The following DNAH10 variants were observed in gnomAD, a reference collection of about 807,000 sequenced individuals.
DNAH10 encodes the protein dynein axonemal heavy chain 10.
Under a neutral mutation model 506.6 loss-of-function variants are expected in DNAH10, and 348 were observed. The ratio of observed to expected loss-of-function variants is 0.69; its 90% CI spans 0.63 to 0.75. The LOEUF is 0.75. DNAH10 is among the 30% of genes least tolerant of loss of function. The pLI is 0.00. For synonymous variants in DNAH10, 2,059 were observed against 2,198.6 expected (o/e 0.94, Z 1.78); for missense variants, 5,179 against 5,787.1 (o/e 0.89, Z 3.41).
At chr12:123,822,276 C>T (rs1250456953) in intron 24 of DNAH10, among the ~76,000 whole-genome samples, 1 of 152,152 alleles carries the variant, frequency 6.6e-6, no homozygotes, top group Non-Finnish European at 1.5e-5. Context: ...GTTTCCCATG[C>T]AAATTCATGC....
At chr12:123,857,601 G>A (rs1052375622) in intron 37 of DNAH10, among the ~76,000 whole-genome samples, 10 of 152,190 alleles carry the variant, frequency 6.6e-5, no homozygotes, top group Non-Finnish European at 1.0e-4. Flanking sequence ...GGTGGCGCTC[G>A]CCTGTAGTCT....
intron 66 of DNAH10, 29 bp from the exon 67 acceptor site, chr12:123,924,249 G>T: frequency 6.3e-7 from 1 of 1,583,974 alleles, no homozygotes; most frequent in South Asian, 1.1e-5. Flanking sequence ...TGGTACAATG[G>T]CTGCTTGCTT....
chr12:123,849,193 G>A (rs182820187), intron 34 of DNAH10, among the ~76,000 whole-genome samples: 75 of 152,274 alleles, frequency 4.9e-4, no homozygotes, highest in Non-Finnish European at 8.4e-4. Context: ...TATTCTTGGC[G>A]ACTTCCCAAG....
intron 50 of DNAH10, among the ~76,000 whole-genome samples, chr12:123,880,739 GTA>G: frequency 6.6e-6 from 1 of 151,282 alleles, no homozygotes; most frequent in Non-Finnish European, 1.5e-5. Context: ...CCATGTTGGT[GTA>G]GTGCACCCAT....
At chr12:123,896,671 C>A (rs1953260806) in intron 54 of DNAH10, among the ~76,000 whole-genome samples, 1 of 149,602 alleles carries the variant, frequency 6.7e-6, no homozygotes, top group Non-Finnish European at 1.5e-5. Flanking sequence ...GACAGGGCTT[C>A]CTAACAGTAG....
At chr12:123,862,598 C>A (rs961278603) in intron 39 of DNAH10, among the ~76,000 whole-genome samples, 57 of 151,942 alleles carry the variant, frequency 3.8e-4, no homozygotes, top group African/African-American at 1.3e-3. Flanking sequence ...CCTGTACTGC[C>A]CAGGCTTGTC....
In DNAH10 at chr12:123,884,833, C is replaced by CT. The variant is rs1211120819; in HGVS notation, c.8824-2308dup. Among the ~76,000 whole-genome samples the CT allele has an allele frequency of 1.1e-4, 16 of 152,274 alleles. No homozygotes were observed. The South Asian group carries it at 2.7e-3, about 26-fold the overall frequency. ...AACAATTCAAATGATGCAGAAGCGT[C>CT]TAAAAAAATAAGGATCACTTGTAAT... On this transcript the variant is annotated intron_variant, in intron 51 of 78. Coordinates refer to ENST00000673944, the MANE Select transcript of DNAH10 (RefSeq NM_001372106.1).
In DNAH10 at chr12:123,784,180, A is replaced by G. The variant is rs1957767649; in HGVS notation, c.1230+3A>G. 2.5e-6 allele frequency: 4 copies of G among 1,612,832 alleles called. No homozygotes were observed. Among genetic ancestry groups the G allele is most frequent in the Non-Finnish European group, 3.4e-6 (4 of 1,178,786 alleles). ...CCACCGTGGAGCGTTATTTCAAGGT[A>G]TGCTGGGTGTGCTGCACTTTGCAGT... is the stretch of plus-strand genomic sequence containing the variant. On this transcript the variant is annotated splice_donor_region_variant and intron_variant, in intron 8 of 78. Coordinates refer to ENST00000673944, the MANE Select transcript of DNAH10 (RefSeq NM_001372106.1).
intron 21 of DNAH10, among the ~76,000 whole-genome samples, chr12:123,818,571 G>C (rs913647806): frequency 6.6e-6 from 1 of 152,124 alleles, no homozygotes; most frequent in Admixed American, 6.5e-5. Context: ...TGACCCACCC[G>C]CCTCAGCCTC....
At chr12:123,872,207 A>G (rs962258128) in intron 45 of DNAH10, among the ~76,000 whole-genome samples, 6 of 152,094 alleles carry the variant, frequency 3.9e-5, no homozygotes, top group African/African-American at 9.7e-5. Flanking sequence ...TATGTGTCCA[A>G]TGTGTCGGGG....
chr12:123,805,929 A>G (rs1958657588), intron 18 of DNAH10, among the ~76,000 whole-genome samples: 2 of 151,516 alleles, frequency 1.3e-5, no homozygotes, highest in Admixed American at 1.3e-4. Flanking sequence ...GGCGCCCACC[A>G]CTACGCCTGG....
Position 123,928,939 on chromosome 12 carries a change from T to G in DNAH10, c.12307-336T>G. ...GGTTTACATGCCCCATTTAATTTAT[T>G]CTCCGGGAAATTCTTTTGGAAAGGT... On this transcript the variant is annotated intron_variant, in intron 70 of 78. Transcript: ENST00000673944. The surrounding 1 kb of genome is among the most constrained non-coding windows in gnomAD (Gnocchi z 4.9). 1 of 474,654 alleles carries G rather than the reference T, an allele frequency of 2.1e-6. No individual in the cohort carries two copies. The highest frequency in any genetic ancestry group is 3.7e-6 in the Non-Finnish European group (1 of 268,042). The allele number at this position is 474,654 out of a possible 1,614,324, so 29.4% of individuals were successfully genotyped here. A position where few individuals can be genotyped will look rare whatever the true frequency, so the allele number is the denominator to read the frequency against.
In DNAH10 at chr12:123,830,701, TA is replaced by T; in HGVS notation, c.4545+4del. On this transcript the variant is annotated splice_donor_region_variant and intron_variant, in intron 26 of 78. Coordinates refer to ENST00000673944, the MANE Select transcript of DNAH10 (RefSeq NM_001372106.1). ...ATCAAGGAGGTTGCCATTGAGAAGG[TA>T]AGACTTCAGTTAAAAACAGGCTGGA... 4 of 1,604,414 alleles carry T rather than the reference TA, an allele frequency of 2.5e-6. No individual in the cohort carries two copies. The highest frequency in any genetic ancestry group is 3.4e-6 in the Non-Finnish European group (4 of 1,175,980).
In DNAH10 at chr12:123,805,060, T is replaced by C. The variant is rs756184385; in HGVS notation, c.2987+20T>C. On this transcript the variant is annotated intron_variant, in intron 18 of 78. Transcript: ENST00000673944. ...CCTGAAGTAAGTTCATCTTGTTGCATGCTTTAAAATGGTGTGTGTAGATTA... is the reference window on the plus strand; with the variant it reads ...CCTGAAGTAAGTTCATCTTGTTGCACGCTTTAAAATGGTGTGTGTAGATTA... 3.1e-6 allele frequency: 5 copies of C among 1,612,036 alleles called. No homozygotes were observed. In the Admixed American group the frequency reaches 6.7e-5, roughly 22 times the overall value.
In DNAH10 at chr12:123,913,310, C is replaced by T; in HGVS notation, c.10347C>T (p.Asn3449=). The change falls in exon 60 of 79, where the codon AAC becomes AAT. Residue 3449 remains asparagine, a synonymous_variant. Transcript: ENST00000673944. This position sits in a 1 kb window ranked among gnomAD's most constrained non-coding sequence, Gnocchi z 5.1. ...TCATCTCGGGTCTGGGGTCAGAAAA[C>T]ATCAGGTTAGCGCTGCTCACGAGCC... ...DKLISGLGSE[N]IRWLNDLDEL... The T allele has an allele frequency of 6.3e-7, 1 of 1,595,954 alleles. No homozygotes were observed. The highest frequency in any genetic ancestry group is 1.3e-5 in the African/African-American group (1 of 74,636).
At chr12:123,807,643 G>A (rs1014421095) in intron 18 of DNAH10, among the ~76,000 whole-genome samples, 1 of 151,878 alleles carries the variant, frequency 6.6e-6, no homozygotes, top group Non-Finnish European at 1.5e-5. Context: ...GGTGGATCAG[G>A]TCACAGGGAG....
Position 123,813,150 on chromosome 12 carries a change from T to A in DNAH10, c.3145-14T>A. On this transcript the variant is annotated splice_polypyrimidine_tract_variant and intron_variant, in intron 19 of 78. Transcript: ENST00000673944. ...CTAAAATACTGTCTTTTCTCCTAAT[T>A]CTTACTTTGCCAGCATTTTGTTCGT... The A allele has an allele frequency of 6.3e-7, 1 of 1,587,840 alleles. No homozygotes were observed. The highest frequency in any genetic ancestry group is 8.6e-7 in the Non-Finnish European group (1 of 1,165,706).
chr12:123,807,915 G>GGAGA (rs145660142), intron 18 of DNAH10, among the ~76,000 whole-genome samples: 29 of 1,462 alleles, frequency 0.02, no homozygotes, highest in African/African-American at 0.031. Flanking sequence ...GGGAGAGAGA[G>GGAGA]GAGAGAGAAG....
In DNAH10 at chr12:123,808,968, G is replaced by C; in HGVS notation, c.3144+15G>C. The C allele has an allele frequency of 6.2e-7, 1 of 1,613,802 alleles. No individual in the cohort carries two copies. The highest frequency in any genetic ancestry group is 8.5e-7 in the Non-Finnish European group (1 of 1,179,828). On this transcript the variant is annotated intron_variant, in intron 19 of 78. Transcript: ENST00000673944. ...AGATCACCAAGGTGAGAGCGGAGGT[G>C]CTTGTGTCCTTGCTCAGACGGCATC...
Sources: gnomAD v4.1 joint callset for allele counts (sites outside exome capture counted in the v4.1 genomes callset) on GRCh38, gnomAD v4.1.1 for gene constraint, Gnocchi (gnomAD v3.1) non-coding constraint, MANE v1.5 for transcripts, NCBI Gene and HGNC (gene_info 2026-07-23, HGNC 2026-07-21) for gene names.